SCAI: variants seen among roughly 807,000 people sequenced by gnomAD.
SCAI encodes protein SCAI.
SCAI carries 24 observed loss-of-function variants against 92.2 expected under a neutral mutation model. The observed-to-expected ratio is 0.26, with a 90% confidence interval of 0.19 to 0.37. SCAI has a LOEUF of 0.37. Among genes scored for constraint, SCAI ranks in the 10% least tolerant of loss-of-function variants. The pLI is 1.00. For missense variants in SCAI, 450 were observed against 736.2 expected (o/e 0.61, Z 4.50); for synonymous variants, 261 against 258.6 (o/e 1.01, Z -0.09).
intron 2 of SCAI, among the ~76,000 whole-genome samples, chr9:125,096,028 G>A (rs1834544702): frequency 6.6e-6 from 1 of 152,206 alleles, no homozygotes; most frequent in African/African-American, 2.4e-5. Context: ...GCAGGTCTTT[G>A]TAGAGGGGCT....
chr9:124,974,893 C>G (rs1831725662), intron 15 of SCAI, among the ~76,000 whole-genome samples: 1 of 152,164 alleles, frequency 6.6e-6, no homozygotes, highest in Admixed American at 6.5e-5. Context: ...GGTCACACAG[C>G]AAGTAAGTGG....
At chr9:124,983,099 CTA>C (rs575004976) in intron 14 of SCAI, among the ~76,000 whole-genome samples, 137 of 151,122 alleles carry the variant, frequency 9.1e-4, no homozygotes, top group Admixed American at 1.8e-3. Context: ...CTGCAGTGAG[CTA>C]TGACTGTACC....
At chr9:125,067,567 TTC>T (rs1369063649) in intron 2 of SCAI, among the ~76,000 whole-genome samples, 5 of 152,186 alleles carry the variant, frequency 3.3e-5, no homozygotes, top group Non-Finnish European at 7.3e-5. Flanking sequence ...CAGATTTCCC[TTC>T]TGAGTCGCTA....
At chr9:125,138,507 C>G (rs181955370) in intron 2 of SCAI, among the ~76,000 whole-genome samples, 2 of 151,854 alleles carry the variant, frequency 1.3e-5, no homozygotes, top group Non-Finnish European at 2.9e-5. Flanking sequence ...CTTTGCCTCC[C>G]GGGTTCACGT....
chr9:124,999,047 A>G (rs1832303346), intron 13 of SCAI, among the ~76,000 whole-genome samples: 1 of 152,006 alleles, frequency 6.6e-6, no homozygotes, highest in African/African-American at 2.4e-5. Flanking sequence ...ATCATTAAGT[A>G]CCCCAGGAAT....
intron 2 of SCAI, among the ~76,000 whole-genome samples, chr9:125,113,744 C>A (rs1834978383): frequency 6.7e-6 from 1 of 149,880 alleles, no homozygotes; most frequent in Admixed American, 6.7e-5. Context: ...GGGCTGATCA[C>A]CTGAGGTCGG....
intron 2 of SCAI, among the ~76,000 whole-genome samples, chr9:125,075,317 G>A (rs1345917038): frequency 6.6e-6 from 1 of 151,954 alleles, no homozygotes; most frequent in East Asian, 1.9e-4. Flanking sequence ...AAGAAATGTA[G>A]GCAAAAGCCT....
At chr9:125,045,384 T>G (rs1428874023) in intron 3 of SCAI, among the ~76,000 whole-genome samples, 1 of 152,068 alleles carries the variant, frequency 6.6e-6, no homozygotes, top group Non-Finnish European at 1.5e-5. Flanking sequence ...TTTAAAATTT[T>G]CTATAGAGAT....
At chr9:125,096,602 C>T (rs989362289) in intron 2 of SCAI, among the ~76,000 whole-genome samples, 1 of 152,172 alleles carries the variant, frequency 6.6e-6, no homozygotes, top group African/African-American at 2.4e-5. Context: ...CCAGCCTCCT[C>T]TTCCTGTCCC....
At chr9:125,132,228 C>T (rs1337498827) in intron 2 of SCAI, among the ~76,000 whole-genome samples, 4 of 152,044 alleles carry the variant, frequency 2.6e-5, no homozygotes, top group Non-Finnish European at 5.9e-5. Flanking sequence ...ATTCTCCTGC[C>T]TCAGCCTCCT....
chr9:125,108,775 G>T (rs943747845), intron 2 of SCAI, among the ~76,000 whole-genome samples: 1 of 152,028 alleles, frequency 6.6e-6, no homozygotes. Flanking sequence ...CGTCCGGGAG[G>T]TGGGGGGCGC....
rs1307651379 is a variant in SCAI at position 125,061,050 on chromosome 9, C to A, written c.99-5043G>T. On this transcript the variant is annotated intron_variant, in intron 2 of 17. Coordinates refer to ENST00000336505, the MANE Select transcript of SCAI (RefSeq NM_001144877.3). The stretch of plus-strand genomic sequence containing the variant: ...CGGTGGCTCACGCCTGTAATCCCAG[C>A]ACTTTGGGAGGCCAAGGCAGGCAGA... Among the ~76,000 whole-genome samples the A allele has an allele frequency of 2.0e-5, 3 of 152,274 alleles. No individual in the cohort carries two copies. In the East Asian group the frequency reaches 5.8e-4, roughly 29 times the overall value.
chr9:125,066,487 G>A (rs1331383376), intron 2 of SCAI, among the ~76,000 whole-genome samples: 1 of 147,964 alleles, frequency 6.8e-6, no homozygotes, highest in African/African-American at 2.6e-5. Context: ...ACGGAGTCTC[G>A]CTCTATCTCC....
intron 13 of SCAI, among the ~76,000 whole-genome samples, chr9:124,996,181 C>T (rs1257257684): frequency 6.9e-6 from 1 of 145,808 alleles, no homozygotes; most frequent in Non-Finnish European, 1.5e-5. Flanking sequence ...TCCATTCCCA[C>T]ACCGTTACCC....
intron 2 of SCAI, among the ~76,000 whole-genome samples, chr9:125,090,892 G>A (rs1283593706): frequency 2.0e-5 from 3 of 152,274 alleles, no homozygotes; most frequent in East Asian, 3.9e-4. Flanking sequence ...GCCGAGGCAG[G>A]TGGATCATGA....
intron 14 of SCAI, among the ~76,000 whole-genome samples, chr9:124,979,619 C>T (rs1184077115): frequency 2.6e-5 from 4 of 152,074 alleles, no homozygotes; most frequent in Admixed American, 2.6e-4. Flanking sequence ...GGATAAGAAA[C>T]AGGTAACAGT....
chr9:125,012,821 C>T (rs1338389256), intron 9 of SCAI, among the ~76,000 whole-genome samples: 1 of 152,120 alleles, frequency 6.6e-6, no homozygotes, highest in Admixed American at 6.6e-5. Flanking sequence ...GAAATTATAA[C>T]AAACTATCTC....
intron 3 of SCAI, among the ~76,000 whole-genome samples, chr9:125,051,090 G>A (rs994320192): frequency 6.6e-6 from 1 of 151,974 alleles, no homozygotes; most frequent in Admixed American, 6.6e-5. Context: ...TGGTGTGATC[G>A]CAGCTCACTG....
chr9:124,973,765 T>C (rs986295761), intron 15 of SCAI, among the ~76,000 whole-genome samples: 2 of 152,014 alleles, frequency 1.3e-5, no homozygotes, highest in East Asian at 3.9e-4. Context: ...GAGGCAGAGG[T>C]TGTAGTGAGC....
Sources: gnomAD v4.1 joint callset for allele counts (sites outside exome capture counted in the v4.1 genomes callset) on GRCh38, gnomAD v4.1.1 for gene constraint, MANE v1.5 for transcripts, NCBI Gene and HGNC (gene_info 2026-07-23, HGNC 2026-07-21) for gene names.